The following MYLK4 variants were observed in gnomAD, a reference collection of about 807,000 sequenced individuals.
MYLK4 encodes myosin light chain kinase family member 4, also known as caMLCK like.
In MYLK4, 46 loss-of-function variants were observed where a neutral mutation model predicts 48.1. The observed-to-expected ratio is 0.96, with a 90% CI of 0.75 to 1.22. The LOEUF (loss-of-function observed/expected upper bound fraction) is 1.22. MYLK4 is among the 50% of genes most tolerant of loss of function. The probability of loss-of-function intolerance (pLI) is 0.00; values close to 1 mark genes in which losing one functional copy is unlikely to be tolerated. For synonymous variants in MYLK4, 170 were observed against 180.8 expected (o/e 0.94, Z 0.48); for missense variants, 451 against 486.1 (o/e 0.93, Z 0.68).
chr6:2,728,241 T>A (rs1763353455), intron 2 of MYLK4, among the ~76,000 whole-genome samples: 1 of 152,194 alleles, frequency 6.6e-6, no homozygotes, highest in African/African-American at 2.4e-5. Context: ...GGACTTTGTA[T>A]ATGTTTCTCC....
chr6:2,699,954 A>C (rs769621577), intron 2 of MYLK4, among the ~76,000 whole-genome samples: 2 of 152,174 alleles, frequency 1.3e-5, no homozygotes, highest in Non-Finnish European at 2.9e-5. Flanking sequence ...TAAATTTTAA[A>C]AACAACCACT....
intron 9 of MYLK4, 63 bp from the exon 10 acceptor site, chr6:2,678,435 T>TTGC: frequency 6.4e-7 from 1 of 1,552,850 alleles, no homozygotes; most frequent in Non-Finnish European, 8.7e-7. Flanking sequence ...TCCATACAGA[T>TTGC]TGCTTTTCTG....
intron 2 of MYLK4, among the ~76,000 whole-genome samples, chr6:2,731,146 A>C (rs1199878351): frequency 6.6e-6 from 1 of 152,204 alleles, no homozygotes; most frequent in African/African-American, 2.4e-5. Flanking sequence ...CATACTAAAA[A>C]TACAGCAACA....
At chr6:2,699,287 CTTTTTTTTTT>C (rs56959282) in intron 2 of MYLK4, among the ~76,000 whole-genome samples, 6 of 77,896 alleles carry the variant, frequency 7.7e-5, no homozygotes, top group African/African-American at 2.7e-4. Flanking sequence ...CTTTTCTTTT[CTTTTTTTTTT>C]TTTTTTTTTT....
the MYLK4 span, chr6:2,765,879 C>A: frequency 3.5e-6 from 5 of 1,448,790 alleles, no homozygotes; most frequent in Non-Finnish European, 4.5e-6. Context: ...CCAGCCACCC[C>A]GACGGCAGCC....
At chr6:2,717,169 T>C (rs1762894242) in intron 2 of MYLK4, among the ~76,000 whole-genome samples, 1 of 152,062 alleles carries the variant, frequency 6.6e-6, no homozygotes, top group South Asian at 2.1e-4. Flanking sequence ...CTTGAGGAAA[T>C]GAGAAAGAAA....
upstream of MYLK4, among the ~76,000 whole-genome samples, chr6:2,752,950 G>C (rs1458569865): frequency 6.6e-6 from 1 of 152,118 alleles, no homozygotes; most frequent in African/African-American, 2.4e-5. Context: ...CAAAAAAACA[G>C]GTTATACATG....
At chr6:2,763,141 G>C in the MYLK4 span, among the ~76,000 whole-genome samples, 2 of 152,170 alleles carry the variant, frequency 1.3e-5, no homozygotes, top group Non-Finnish European at 2.9e-5. Context: ...GGTCTGATTT[G>C]ACAGGGTGCT....
chr6:2,732,027 G>A (rs1016632979), intron 2 of MYLK4, among the ~76,000 whole-genome samples: 3 of 152,194 alleles, frequency 2.0e-5, no homozygotes, highest in Admixed American at 6.5e-5. Flanking sequence ...AGCCTAAACA[G>A]ACCTGGAAAT....
chr6:2,750,645 A>T (rs538939624), intron 1 of MYLK4, 91 bp downstream of exon 1: 31 of 152,336 alleles, frequency 2.0e-4, no homozygotes, highest in African/African-American at 7.5e-4. Context: ...ATTAAGCTCT[A>T]CCTGAAGTTT....
chr6:2,760,819 A>G, the MYLK4 span, among the ~76,000 whole-genome samples: 8 of 152,376 alleles, frequency 5.3e-5, no homozygotes, highest in African/African-American at 1.9e-4. Flanking sequence ...AAGGAAATAT[A>G]TAAAATGTGT....
the MYLK4 span, among the ~76,000 whole-genome samples, chr6:2,764,800 C>T: frequency 1.3e-5 from 2 of 152,182 alleles, no homozygotes; most frequent in African/African-American, 4.8e-5. Context: ...ACTTAAACGC[C>T]AACACATCTA....
chr6:2,734,346 G>T (rs73717416), intron 2 of MYLK4, among the ~76,000 whole-genome samples: 1 of 152,122 alleles, frequency 6.6e-6, no homozygotes, highest in African/African-American at 2.4e-5. Context: ...TTGATTGGGC[G>T]AGGAACTTGG....
rs7748883 is a variant in MYLK4 at position 2,670,605 on chromosome 6, G to A, written c.*25+671C>T. 9.3e-3 allele frequency among the ~76,000 whole-genome samples: 1,421 copies of A among 152,196 alleles called. 24 individuals carry two copies. The highest frequency in any genetic ancestry group is 0.032 in the African/African-American group (1,332 of 41,524). On this transcript the variant is annotated intron_variant, in intron 12 of 12. Transcript: ENST00000274643. Reference sequence around the variant, plus strand: ...GTCTTCTCCTTTAGGGCTACATTGGGCTAGATTATTGATATCAAAGAAGGT... The same window carrying A: ...GTCTTCTCCTTTAGGGCTACATTGGACTAGATTATTGATATCAAAGAAGGT...
Position 2,690,483 on chromosome 6 carries a change from A to G in MYLK4, c.236-1527T>C, listed in dbSNP as rs74991469. On this transcript the variant is annotated intron_variant, in intron 3 of 12. Coordinates refer to ENST00000274643, the MANE Select transcript of MYLK4 (RefSeq NM_001012418.5). ...TCCAGTTGCAGCTCTCAAAGTTTCA[A>G]GAAGAAAACATTCAGATGGTGGAAA... 2.2e-3 allele frequency among the ~76,000 whole-genome samples: 335 copies of G among 152,316 alleles called. 4 individuals carry two copies. The East Asian group carries it at 0.051, about 23-fold the overall frequency.
intron 2 of MYLK4, among the ~76,000 whole-genome samples, chr6:2,725,866 C>T (rs983993347): frequency 6.6e-6 from 1 of 152,220 alleles, no homozygotes; most frequent in African/African-American, 2.4e-5. Flanking sequence ...GTGCCTCTCA[C>T]TCAGCCTTCT....
At chr6:2,758,872 T>G in the MYLK4 span, among the ~76,000 whole-genome samples, 3 of 152,240 alleles carry the variant, frequency 2.0e-5, no homozygotes, top group African/African-American at 7.2e-5. Flanking sequence ...ATGTATGTGT[T>G]TATTCACTGA....
chr6:2,760,190 T>C, the MYLK4 span, among the ~76,000 whole-genome samples: 7 of 152,244 alleles, frequency 4.6e-5, no homozygotes, highest in African/African-American at 9.6e-5. Flanking sequence ...TAACTACTTA[T>C]ATAGCATTTA....
chr6:2,742,937 A>AT (rs923323169), intron 2 of MYLK4, among the ~76,000 whole-genome samples: 1 of 152,094 alleles, frequency 6.6e-6, no homozygotes, highest in Non-Finnish European at 1.5e-5. Flanking sequence ...CCCTAGAGAA[A>AT]TTTTTTTAAC....
Sources: gnomAD v4.1 joint callset for allele counts (sites outside exome capture counted in the v4.1 genomes callset) on GRCh38, gnomAD v4.1.1 for gene constraint, MANE v1.5 for transcripts, NCBI Gene and HGNC (gene_info 2026-07-23, HGNC 2026-07-21) for gene names.